The following NAA25 variants were observed in gnomAD, a reference collection of about 807,000 sequenced individuals.
NAA25 encodes N-alpha-acetyltransferase 25, NatB auxiliary subunit.
NAA25 carries 30 observed loss-of-function variants against 132.5 expected under a neutral mutation model. The ratio of observed to expected loss-of-function variants is 0.23; its 90% CI spans 0.17 to 0.31. NAA25 has a LOEUF of 0.31. Among genes scored for constraint, NAA25 ranks in the 10% least tolerant of loss-of-function variants. NAA25 has a pLI of 1.00. For synonymous variants in NAA25, 359 were observed against 401.9 expected (o/e 0.89, Z 1.28); for missense variants, 771 against 1,150.4 (o/e 0.67, Z 4.77).
At position 112,087,719 on chromosome 12, in the gene NAA25, G is replaced by C; in HGVS notation, c.366C>G (p.Ala122=). ...TCTTGTATTCACCCACTCTGGCATA[G>C]GCCATGAAGAGGTGAGAGTGATACT... ...SEEYHSHLFM[A]YARVGEYKKM... Residue 122 remains alanine, a synonymous_variant, in exon 4 of 24, where the codon GCC becomes GCG. Transcript: ENST00000261745. 1 of 1,614,052 alleles carries C rather than the reference G, an allele frequency of 6.2e-7. No individual in the cohort carries two copies. Among genetic ancestry groups the C allele is most frequent in the Non-Finnish European group, 8.5e-7 (1 of 1,179,918 alleles).
chr12:112,068,357 G>A (rs564966576), intron 11 of NAA25, among the ~76,000 whole-genome samples: 11 of 152,036 alleles, frequency 7.2e-5, no homozygotes, highest in Admixed American at 7.2e-4. Flanking sequence ...TCTTGACTAC[G>A]GTAATAGTCA....
intron 23 of NAA25, among the ~76,000 whole-genome samples, chr12:112,032,916 T>C (rs979724442): frequency 6.6e-6 from 1 of 152,246 alleles, no homozygotes; most frequent in African/African-American, 2.4e-5. Flanking sequence ...AGGTAAATTC[T>C]ATTCAAGAAG....
chr12:112,093,323 T>C (rs1203967852), intron 1 of NAA25, among the ~76,000 whole-genome samples, 187 bp from the exon 2 acceptor site: 1 of 151,986 alleles, frequency 6.6e-6, no homozygotes, highest in Non-Finnish European at 1.5e-5. Context: ...ATGGATCACT[T>C]GAGGCCAGGA....
At chr12:112,046,617 T>C (rs1049879562) in intron 17 of NAA25, among the ~76,000 whole-genome samples, 1 of 152,380 alleles carries the variant, frequency 6.6e-6, no homozygotes, top group East Asian at 1.9e-4. Flanking sequence ...AAATGGTATG[T>C]GGCATTTTAA....
At chr12:112,044,273 G>A (rs895830018) in intron 17 of NAA25, among the ~76,000 whole-genome samples, 1 of 152,034 alleles carries the variant, frequency 6.6e-6, no homozygotes, top group Non-Finnish European at 1.5e-5. Flanking sequence ...AGATGCCTTT[G>A]AAGGGTTCCA....
chr12:112,078,839 A>G, intron 5 of NAA25, 98 bp from the exon 6 acceptor site: 1 of 944,432 alleles, frequency 1.1e-6, no homozygotes, highest in Non-Finnish European at 1.6e-6. Context: ...TCAATCCACC[A>G]TGTCAAATAT....
rs2136789067 is a variant in NAA25, at chr12:112,028,518, C to G, written c.*1013G>C. On this transcript the variant is annotated 3_prime_UTR_variant, in exon 24 of 24. Coordinates refer to ENST00000261745, the MANE Select transcript of NAA25 (RefSeq NM_024953.4). Reference sequence around the variant, plus strand: ...ACTGAATAACATTTCTTTTGCCAGCCTAAAACTTAAAGCCTAAGGCTAAAT... The same window carrying G: ...ACTGAATAACATTTCTTTTGCCAGCGTAAAACTTAAAGCCTAAGGCTAAAT... The G allele has an allele frequency of 6.6e-6, 1 of 152,236 alleles. No homozygotes were observed. Among genetic ancestry groups the G allele is most frequent in the South Asian group, 2.1e-4 (1 of 4,820 alleles). The allele number at this position is 152,236 out of a possible 1,614,324, so 9.4% of individuals were successfully genotyped here. A position where few individuals can be genotyped will look rare whatever the true frequency, so the allele number is the denominator to read the frequency against.
chr12:112,072,523 C>T (rs369403700), intron 9 of NAA25, among the ~76,000 whole-genome samples: 21 of 151,140 alleles, frequency 1.4e-4, no homozygotes, highest in African/African-American at 4.9e-4. Flanking sequence ...GCAGGAGAAT[C>T]GCTTGAACCC....
At chr12:112,088,515 G>A (rs1398842824) in intron 3 of NAA25, among the ~76,000 whole-genome samples, 2 of 151,046 alleles carry the variant, frequency 1.3e-5, no homozygotes, top group Admixed American at 6.6e-5. Context: ...ACAGTGTTTC[G>A]CCATGTTGCC....
intron 11 of NAA25, among the ~76,000 whole-genome samples, chr12:112,064,988 C>T (rs538445712): frequency 4.5e-4 from 69 of 152,042 alleles, no homozygotes; most frequent in African/African-American, 1.6e-3. Flanking sequence ...GAGCCGAAAT[C>T]GCGCCATTGC....
At chr12:112,074,188 A>C (rs2078858940) in intron 9 of NAA25, among the ~76,000 whole-genome samples, 1 of 152,002 alleles carries the variant, frequency 6.6e-6, no homozygotes, top group African/African-American at 2.4e-5. Flanking sequence ...CAAAAATACA[A>C]AAAGTAGCTG....
intron 3 of NAA25, among the ~76,000 whole-genome samples, chr12:112,088,563 T>C (rs886742715): frequency 2.0e-5 from 3 of 151,898 alleles, no homozygotes; most frequent in African/African-American, 7.2e-5. Flanking sequence ...CATAATGTAG[T>C]ATACTGTCTA....
chr12:112,055,478 T>C (rs2078531364), intron 13 of NAA25, among the ~76,000 whole-genome samples: 1 of 152,138 alleles, frequency 6.6e-6, no homozygotes, highest in African/African-American at 2.4e-5. Flanking sequence ...GAGGATCACT[T>C]GAGCCCACAA....
At chr12:112,039,493 A>G in intron 21 of NAA25, 154 bp from the exon 22 acceptor site, 1 of 542,328 alleles carries the variant, frequency 1.8e-6, no homozygotes, top group South Asian at 2.4e-5. Flanking sequence ...TTCTGCAATC[A>G]CTCTACTGAT....
intron 5 of NAA25, among the ~76,000 whole-genome samples, chr12:112,080,134 A>G (rs1222280639): frequency 2.0e-5 from 3 of 151,842 alleles, no homozygotes; most frequent in Non-Finnish European, 4.4e-5. Context: ...CAAAAAAATT[A>G]GCCGGGCATG....
In NAA25 at chr12:112,098,119, C is replaced by CAA. The variant is rs60232542; in HGVS notation, c.59-4985_59-4984dup. On this transcript the variant is annotated intron_variant, in intron 1 of 23. Coordinates refer to ENST00000261745, the MANE Select transcript of NAA25 (RefSeq NM_024953.4). ...CTGGCAACAGAGCAAGACTCCATCT[C>CAA]AAAAAAAAAAAAAAAAAAAAAACCA... Among the ~76,000 whole-genome samples, 490 of 53,406 alleles carry CAA rather than the reference C, an allele frequency of 9.2e-3. 14 individuals carry two copies. The highest frequency in any genetic ancestry group is 0.037 in the South Asian group (42 of 1,138). 35.0% of individuals were successfully genotyped at this position (53,406 alleles called of 152,430 possible). A position where few individuals can be genotyped will look rare whatever the true frequency, so the allele number is the denominator to read the frequency against.
At chr12:112,108,106 C>A (rs1188781603) in intron 1 of NAA25, among the ~76,000 whole-genome samples, 8 of 152,084 alleles carry the variant, frequency 5.3e-5, no homozygotes, top group Non-Finnish European at 1.0e-4. Context: ...AAGACCCCCT[C>A]CCCCCGCCTC....
chr12:112,087,120 T>C (rs539165302), intron 4 of NAA25, among the ~76,000 whole-genome samples: 2 of 152,132 alleles, frequency 1.3e-5, no homozygotes, highest in South Asian at 2.1e-4. Flanking sequence ...CTAATTCAAA[T>C]GTGTTCAAAT....
At chr12:112,098,824 C>T (rs2079251234) in intron 1 of NAA25, among the ~76,000 whole-genome samples, 1 of 152,062 alleles carries the variant, frequency 6.6e-6, no homozygotes, top group Non-Finnish European at 1.5e-5. Flanking sequence ...GTTGCGCGAT[C>T]CCAGCTCACT....
Sources: gnomAD v4.1 joint callset for allele counts (sites outside exome capture counted in the v4.1 genomes callset) on GRCh38, gnomAD v4.1.1 for gene constraint, MANE v1.5 for transcripts, NCBI Gene and HGNC (gene_info 2026-07-23, HGNC 2026-07-21) for gene names.